Variants in POC5 observed in about 807,000 individuals in gnomAD.
POC5 encodes centrosomal protein POC5.
Under a neutral mutation model 62.9 loss-of-function variants are expected in POC5, and 48 were observed. The ratio of observed to expected loss-of-function variants is 0.76; its 90% confidence interval spans 0.61 to 0.97. The LOEUF (loss-of-function observed/expected upper bound fraction) is 0.97. Ranked by LOEUF, POC5 falls within the 50% of genes least tolerant of loss-of-function variation. The pLI, the probability that POC5 is intolerant of heterozygous loss-of-function variation, is 0.00. For synonymous variants in POC5, 236 were observed against 228.2 expected, an observed-to-expected ratio of 1.03 and a Z score of -0.31; for missense variants, 696 against 679.5, an observed-to-expected ratio of 1.02 and a Z score of -0.27.
Position 75,694,690 on chromosome 5 carries a change from T to G in POC5, c.655A>C (p.Lys219Gln). ...NQINELKELQ[K>Q]TFEISIGRKD... ...CTCCCAATGGAGATTTCAAAGGTTT[T>G]TTGCAGCTCCTTCAATTCATTGATC... Residue 219 changes from lysine (K) to glutamine (Q), a missense_variant, in exon 6 of 12, where the codon AAA (lysine) becomes CAA (glutamine). By Grantham distance (53) the Lys-to-Gln change is moderately conservative. Coordinates refer to ENST00000428202, the MANE Select transcript of POC5 (RefSeq NM_001099271.2). The G allele has an allele frequency of 6.3e-7, 1 of 1,578,040 alleles. No individual in the cohort carries two copies. The highest frequency in any genetic ancestry group is 8.6e-7 in the Non-Finnish European group (1 of 1,167,794).
intron 3 of POC5, 120 bp downstream of exon 3, chr5:75,707,617 T>C (rs1777178144): frequency 1.0e-5 from 8 of 767,678 alleles, no homozygotes; most frequent in Admixed American, 2.9e-5. Context: ...ATGATACTAA[T>C]ACACATAAAT....
chr5:75,688,133 G>A (rs1185020960), intron 9 of POC5, among the ~76,000 whole-genome samples: 1 of 152,124 alleles, frequency 6.6e-6, no homozygotes, highest in East Asian at 1.9e-4. Flanking sequence ...TTTAAAATAA[G>A]GGCATCACAA....
At chr5:75,693,822 C>A (rs1776445818) in intron 6 of POC5, among the ~76,000 whole-genome samples, 1 of 152,196 alleles carries the variant, frequency 6.6e-6, no homozygotes, top group African/African-American at 2.4e-5. Context: ...CCATTTATAG[C>A]CGGGCACAGA....
intron 4 of POC5, among the ~76,000 whole-genome samples, chr5:75,703,345 C>T (rs556819099): frequency 9.2e-5 from 14 of 152,078 alleles, no homozygotes; most frequent in South Asian, 2.1e-4. Flanking sequence ...TATTAAAATT[C>T]GGCCGGGCGC....
In POC5 at chr5:75,685,331, C is replaced by G. The variant is rs1776057636; in HGVS notation, c.1283G>C (p.Ser428Thr). 2 of 1,613,884 alleles carry G rather than the reference C, an allele frequency of 1.2e-6. No homozygotes were observed. The highest frequency in any genetic ancestry group is 1.7e-6 in the Non-Finnish European group (2 of 1,179,896). ...PSPPAAVGGA[S>T]ATAVPSAASM... ...AGCAGCTGAGGGAACGGCAGTCGCG[C>G]TGGCTCCTCCGACGGCGGCTGGTGG... is the stretch of plus-strand genomic sequence containing the variant. The change falls in exon 10 of 12, where the codon AGC (serine) becomes ACC (threonine). Residue 428 changes from serine (S) to threonine (T), a missense_variant. Physicochemically the swap from Ser to Thr is moderately conservative, Grantham distance 58. Coordinates refer to ENST00000428202, the MANE Select transcript of POC5 (RefSeq NM_001099271.2).
At chr5:75,682,088 T>G (rs1016897296) in intron 10 of POC5, among the ~76,000 whole-genome samples, 1 of 152,180 alleles carries the variant, frequency 6.6e-6, no homozygotes, top group Non-Finnish European at 1.5e-5. Context: ...TGAAATGGAG[T>G]GTGTATCTGT....
intron 1 of POC5, among the ~76,000 whole-genome samples, chr5:75,716,647 T>C (rs571859800): frequency 6.6e-6 from 1 of 152,318 alleles, no homozygotes; most frequent in African/African-American, 2.4e-5. Flanking sequence ...CGGACGCACA[T>C]TAGTTCACTA....
At chr5:75,712,281 A>C (rs1777379605) in intron 2 of POC5, 1 of 1,370,808 alleles carries the variant, frequency 7.3e-7, no homozygotes, top group African/African-American at 1.4e-5. Flanking sequence ...TCTACTCCAG[A>C]AATCTAAATC....
At chr5:75,716,947 C>T (rs1742617448) in intron 1 of POC5, among the ~76,000 whole-genome samples, 1 of 152,212 alleles carries the variant, frequency 6.6e-6, no homozygotes, top group Admixed American at 6.5e-5. Context: ...GGAGAAAAGC[C>T]ATTGCAGTAA....
At chr5:75,676,903 A>C (rs1413616943) in intron 11 of POC5, among the ~76,000 whole-genome samples, 3 of 151,856 alleles carry the variant, frequency 2.0e-5, no homozygotes, top group Non-Finnish European at 4.4e-5. Context: ...TGTTCTTATC[A>C]CTCTTATTAT....
chr5:75,676,952 G>C (rs1458056032), intron 11 of POC5, among the ~76,000 whole-genome samples: 1 of 152,006 alleles, frequency 6.6e-6, no homozygotes, highest in Admixed American at 6.6e-5. Flanking sequence ...ACATTTGTAG[G>C]AAATAATTCA....
chr5:75,692,438 T>A lies in POC5; in HGVS notation c.753A>T (p.Thr251=), dbSNP rs777092785. Residue 251 remains threonine (T), a synonymous_variant, in exon 7 of 12, where the codon ACA becomes ACT. Coordinates refer to ENST00000428202, the MANE Select transcript of POC5 (RefSeq NM_001099271.2). ...KQKEKIELMR[T]FFHWRIGHVR... ...CATGGCCGATTCGCCAGTGGAAGAA[T>A]GTTCTCATCAACTCTATCTTTTCCT... 1.1e-5 allele frequency: 17 copies of A among 1,597,616 alleles called. No individual in the cohort carries two copies. Among genetic ancestry groups the A allele is most frequent in the Middle Eastern group, 1.7e-4 (1 of 6,040 alleles).
At chr5:75,691,064 T>C (rs1482199515) in intron 7 of POC5, among the ~76,000 whole-genome samples, 3 of 152,242 alleles carry the variant, frequency 2.0e-5, no homozygotes, top group South Asian at 2.1e-4. Flanking sequence ...TAAAAACTTA[T>C]GCTATTTTTC....
intron 8 of POC5, 24 bp from the exon 9 acceptor site, chr5:75,689,189 C>A: frequency 2.7e-6 from 4 of 1,502,152 alleles, no homozygotes; most frequent in South Asian, 1.3e-5. Flanking sequence ...GTTTAAAAAG[C>A]AAAACAATTT....
At chr5:75,699,661 A>G (rs1378944688) in intron 5 of POC5, among the ~76,000 whole-genome samples, 1 of 142,616 alleles carries the variant, frequency 7.0e-6, no homozygotes. Flanking sequence ...CTGGTACAAG[A>G]CAGGGATGCC....
intron 6 of POC5, among the ~76,000 whole-genome samples, chr5:75,693,069 T>C (rs1776408912): frequency 6.8e-6 from 1 of 146,678 alleles, no homozygotes; most frequent in Admixed American, 6.9e-5. Context: ...TAACATGTTA[T>C]ACATATAACT....
chr5:75,685,118 CG>C, intron 10 of POC5, 88 bp downstream of exon 10: 1 of 1,365,828 alleles, frequency 7.3e-7, no homozygotes, highest in Admixed American at 2.2e-5. Flanking sequence ...CCACCTGCCT[CG>C]GCCTCCCAAA....
Position 75,676,838 on chromosome 5 carries a change from T to A in POC5, c.1584+936A>T, listed in dbSNP as rs990367878. The stretch of plus-strand genomic sequence containing the variant: ...AGAAACTCTGTCTCAAAAAAAAAAA[T>A]AAATAAAAAATAAATAAATAAATAA... On this transcript the variant is annotated intron_variant, in intron 11 of 11. Transcript: ENST00000428202. Among the ~76,000 whole-genome samples, 37 of 138,828 alleles carry A rather than the reference T, an allele frequency of 2.7e-4. 1 individual carries two copies. The highest frequency in any genetic ancestry group is 2.3e-3 in the South Asian group (10 of 4,296). The allele number at this position is 138,828 out of a possible 152,430, so 91.1% of individuals were successfully genotyped here.
intron 5 of POC5, among the ~76,000 whole-genome samples, chr5:75,701,166 TC>T (rs2112169281): frequency 7.2e-6 from 1 of 139,120 alleles, no homozygotes; most frequent in African/African-American, 2.6e-5. Context: ...GTGTGGCGAT[TC>T]CTCAGGGATC....
Sources: allele counts gnomAD v4.1 joint callset (sites outside exome capture counted in the v4.1 genomes callset), GRCh38; gene constraint gnomAD v4.1.1; transcripts MANE v1.5; gene names NCBI Gene and HGNC (gene_info 2026-07-23, HGNC 2026-07-21).